Variants in CHRM3 observed in about 807,000 individuals in gnomAD.
CHRM3 encodes the protein muscarinic acetylcholine receptor M3.
CHRM3 carries 11 observed loss-of-function variants against 41.8 expected under a neutral mutation model. The observed-to-expected ratio is 0.26, with a 90% confidence interval of 0.17 to 0.44. The LOEUF is 0.44. CHRM3 is among the 20% of genes least tolerant of loss of function. The probability of loss-of-function intolerance (pLI) is 1.00; values close to 1 mark genes in which losing one functional copy is unlikely to be tolerated. For synonymous variants in CHRM3, 297 were observed against 301.4 expected, an observed-to-expected ratio of 0.99 and a Z score of 0.15; for missense variants, 571 against 745.4, an observed-to-expected ratio of 0.77 and a Z score of 2.72.
chr1:239,399,970 T>C (rs1659826553), intron 1 of CHRM3, among the ~76,000 whole-genome samples: 2 of 152,168 alleles, frequency 1.3e-5, no homozygotes, highest in South Asian at 4.1e-4. Context: ...TGGAGTGCAA[T>C]GGCATGATCT....
chr1:239,669,621 GA>G lies in CHRM3; in HGVS notation c.-249-8558del, dbSNP rs769388398. Among the ~76,000 whole-genome samples, 3 of 152,096 alleles carry G rather than the reference GA, an allele frequency of 2.0e-5. No homozygotes were observed. The East Asian group carries it at 5.8e-4, about 29-fold the overall frequency. On this transcript the variant is annotated intron_variant, in intron 4 of 6. Coordinates refer to ENST00000676153, the MANE Select transcript of CHRM3 (RefSeq NM_001375978.1). The stretch of plus-strand genomic sequence containing the variant: ...GACTGTTGACTAAAAGATAAAAGGG[GA>G]AAAAAATTCTAGAATGACAGAAAAG...
At position 239,827,325 on chromosome 1, in the gene CHRM3, G is replaced by A. The variant is rs944821380; in HGVS notation, c.-73G>A. 3 of 152,154 alleles carry A rather than the reference G, an allele frequency of 2.0e-5. No individual in the cohort carries two copies. The highest frequency in any genetic ancestry group is 7.2e-5 in the African/African-American group (3 of 41,432). 9.4% of individuals were successfully genotyped at this position (152,154 alleles called of 1,614,324 possible). A position where few individuals can be genotyped will look rare whatever the true frequency, so the allele number is the denominator to read the frequency against. ...CTATGCCGGGATCATCATGACCGTA[G>A]AGATTATGTCACTGTTTTGCATCCT... On this transcript the variant is annotated 5_prime_UTR_variant, in exon 6 of 7. Transcript: ENST00000676153.
intron 5 of CHRM3, among the ~76,000 whole-genome samples, chr1:239,792,444 T>C (rs1404008697): frequency 6.6e-6 from 1 of 152,162 alleles, no homozygotes; most frequent in Non-Finnish European, 1.5e-5. Flanking sequence ...GGGTGAGGTC[T>C]TGGGGTTGAC....
intron 1 of CHRM3, among the ~76,000 whole-genome samples, chr1:239,388,522 T>C (rs1414865696): frequency 5.9e-5 from 9 of 152,246 alleles, no homozygotes; most frequent in African/African-American, 2.2e-4. Context: ...CCATTCATCA[T>C]TATTTCCTGT....
chr1:239,734,761 A>G (rs938310218), intron 5 of CHRM3, among the ~76,000 whole-genome samples: 1 of 152,126 alleles, frequency 6.6e-6, no homozygotes, highest in Non-Finnish European at 1.5e-5. Flanking sequence ...TATACTGATG[A>G]GTATGCAGGC....
chr1:239,605,859 A>T (rs1303418232), intron 3 of CHRM3: 1 of 152,230 alleles, frequency 6.6e-6, no homozygotes, highest in Non-Finnish European at 1.5e-5. Flanking sequence ...GTATATGCAT[A>T]TCAATGGTAA....
At chr1:239,403,987 G>GAC (rs1198023350) in intron 1 of CHRM3, among the ~76,000 whole-genome samples, 16 of 140,266 alleles carry the variant, frequency 1.1e-4, no homozygotes, top group African/African-American at 4.0e-4. Context: ...GAGAGAGAGA[G>GAC]AGAGAGAGAG....
At chr1:239,730,341 G>C (rs963171728) in intron 5 of CHRM3, 16 of 151,930 alleles carry the variant, frequency 1.1e-4, no homozygotes, top group Non-Finnish European at 4.4e-5. Flanking sequence ...CAGTGTCAAA[G>C]ACACAGACTC....
At chr1:239,881,453 A>T (rs1677629804) in intron 6 of CHRM3, among the ~76,000 whole-genome samples, 1 of 152,022 alleles carries the variant, frequency 6.6e-6, no homozygotes, top group Non-Finnish European at 1.5e-5. Context: ...CAAAATGGCG[A>T]GTTGATTGGG....
At chr1:239,856,568 CT>C (rs141630220) in intron 6 of CHRM3, among the ~76,000 whole-genome samples, 2,740 of 152,212 alleles carry the variant, frequency 0.018, 96 homozygotes, top group African/African-American at 0.063. Context: ...AATTAAACCT[CT>C]TTTCTCTATA....
chr1:239,391,651 A>G (rs1659045313), intron 1 of CHRM3, among the ~76,000 whole-genome samples: 1 of 152,088 alleles, frequency 6.6e-6, no homozygotes, highest in Admixed American at 6.5e-5. Flanking sequence ...ATTGACACAG[A>G]CCTAGGGTCC....
chr1:239,846,567 G>C (rs1036587924), intron 6 of CHRM3, among the ~76,000 whole-genome samples: 5 of 152,172 alleles, frequency 3.3e-5, no homozygotes, highest in African/African-American at 1.2e-4. Context: ...GCAAATGGCA[G>C]AGTGATATGG....
At chr1:239,618,298 T>C (rs573718811) in intron 3 of CHRM3, among the ~76,000 whole-genome samples, 254 of 115,752 alleles carry the variant, frequency 2.2e-3, no homozygotes, top group African/African-American at 8.5e-3. Flanking sequence ...TTTTTTTTAA[T>C]GACAAGCAGA....
chr1:239,530,510 A>G (rs1366600996), intron 2 of CHRM3, among the ~76,000 whole-genome samples: 3 of 152,236 alleles, frequency 2.0e-5, no homozygotes, highest in Non-Finnish European at 4.4e-5. Context: ...GAAGCATTCA[A>G]TAGAAACTGT....
At chr1:239,545,775 T>G (rs1007024131) in intron 3 of CHRM3, 26 bp downstream of exon 3, 3 of 152,128 alleles carry the variant, frequency 2.0e-5, no homozygotes, top group Non-Finnish European at 4.4e-5. Flanking sequence ...ATTAATATCA[T>G]GTACACAGTT....
chr1:239,589,140 G>A (rs1347720579), intron 3 of CHRM3, among the ~76,000 whole-genome samples: 1 of 151,966 alleles, frequency 6.6e-6, no homozygotes, highest in Non-Finnish European at 1.5e-5. Flanking sequence ...CACCATGTTG[G>A]CCAAGCTGGT....
At chr1:239,776,392 A>G (rs1209123419) in intron 5 of CHRM3, among the ~76,000 whole-genome samples, 1 of 152,236 alleles carries the variant, frequency 6.6e-6, no homozygotes, top group Non-Finnish European at 1.5e-5. Context: ...AGTGTATCTT[A>G]AAAGTTTTTA....
intron 1 of CHRM3, among the ~76,000 whole-genome samples, chr1:239,461,986 C>T (rs939889990): frequency 6.6e-6 from 1 of 152,148 alleles, no homozygotes; most frequent in Non-Finnish European, 1.5e-5. Flanking sequence ...CCTCTGGCCT[C>T]TCCACCCTTG....
chr1:239,506,617 G>T (rs1204580826), intron 2 of CHRM3, among the ~76,000 whole-genome samples: 1 of 152,176 alleles, frequency 6.6e-6, no homozygotes, highest in Non-Finnish European at 1.5e-5. Flanking sequence ...AGTGAAATAT[G>T]GGGTCAGAGC....
Sources: gnomAD v4.1 joint callset for allele counts (sites outside exome capture counted in the v4.1 genomes callset) on GRCh38, gnomAD v4.1.1 for gene constraint, MANE v1.5 for transcripts, NCBI Gene and HGNC (gene_info 2026-07-23, HGNC 2026-07-21) for gene names.